Variants in TENM2 observed in about 807,000 individuals in gnomAD.
The protein encoded by TENM2 is teneurin-2.
Under a neutral mutation model 245.2 loss-of-function variants are expected in TENM2, and 52 were observed. The observed-to-expected ratio is 0.21, with a 90% CI of 0.17 to 0.27. The LOEUF (loss-of-function observed/expected upper bound fraction) is 0.27. Ranked by LOEUF, TENM2 falls within the 10% of genes least tolerant of loss-of-function variation. The pLI is 1.00. For synonymous variants in TENM2, 1,363 were observed against 1,438.9 expected, an observed-to-expected ratio of 0.95 and a Z score of 1.19; for missense variants, 3,046 against 3,666.8, an observed-to-expected ratio of 0.83 and a Z score of 4.37.
chr5:167,875,222 A>G (rs1773318312), intron 2 of TENM2, among the ~76,000 whole-genome samples: 2 of 152,182 alleles, frequency 1.3e-5, no homozygotes, highest in Non-Finnish European at 2.9e-5. Context: ...GGGTTGATTG[A>G]AGAGAAGAAG....
chr5:167,094,765 C>A, the TENM2 span, among the ~76,000 whole-genome samples: 1 of 152,152 alleles, frequency 6.6e-6, no homozygotes, highest in South Asian at 2.1e-4. Context: ...AAAGTCTTTG[C>A]AACTCTCAGA....
At chr5:167,188,940 AC>A in the TENM2 span, among the ~76,000 whole-genome samples, 1 of 152,140 alleles carries the variant, frequency 6.6e-6, no homozygotes, top group Non-Finnish European at 1.5e-5. Context: ...TGTGGATTAA[AC>A]TGTGAATGAC....
Position 167,387,914 on chromosome 5 carries a change from G to A in TENM2, c.502+12441G>A, listed in dbSNP as rs528730417. Among the ~76,000 whole-genome samples, 25 of 152,232 alleles carry A rather than the reference G, an allele frequency of 1.6e-4. No individual in the cohort carries two copies. The South Asian group carries it at 4.8e-3, about 29-fold the overall frequency. ...TCTTTTTTATATGGTGTTGGATTCA[G>A]TTAGCTAGTATTTTGTTAAGGACTT... On this transcript the variant is annotated intron_variant, in intron 2 of 28. Transcript: ENST00000518659.
the TENM2 span, among the ~76,000 whole-genome samples, chr5:167,029,146 TG>T: frequency 6.6e-6 from 1 of 152,216 alleles, no homozygotes; most frequent in African/African-American, 2.4e-5. Flanking sequence ...TTTAATTGTA[TG>T]GCTTATATAT....
chr5:167,064,222 A>G, the TENM2 span, among the ~76,000 whole-genome samples: 6 of 152,304 alleles, frequency 3.9e-5, no homozygotes, highest in East Asian at 1.2e-3. Context: ...CGCTGCACCA[A>G]TTTCTTGAGT....
At chr5:168,186,181 G>T (rs1581573188) in intron 13 of TENM2, 1 of 151,918 alleles carries the variant, frequency 6.6e-6, no homozygotes, top group Admixed American at 6.6e-5. Context: ...GATTCCAGAG[G>T]CCAGGCTGTC....
chr5:167,898,180 C>G (rs1775379140), intron 3 of TENM2, among the ~76,000 whole-genome samples: 1 of 152,120 alleles, frequency 6.6e-6, no homozygotes, highest in African/African-American at 2.4e-5. Flanking sequence ...TAATTTACTG[C>G]TATGGTTCTC....
chr5:167,008,239 C>T, the TENM2 span, among the ~76,000 whole-genome samples: 1 of 151,206 alleles, frequency 6.6e-6, no homozygotes, highest in Non-Finnish European at 1.5e-5. Flanking sequence ...TGTATATATC[C>T]TTGCATATGA....
At chr5:167,109,720 A>C in the TENM2 span, among the ~76,000 whole-genome samples, 1 of 151,712 alleles carries the variant, frequency 6.6e-6, no homozygotes, top group South Asian at 2.1e-4. Flanking sequence ...TCTCACGTTC[A>C]TCCTAATAAA....
the TENM2 span, among the ~76,000 whole-genome samples, chr5:167,142,008 A>T: frequency 6.6e-6 from 1 of 152,076 alleles, no homozygotes; most frequent in South Asian, 2.1e-4. Flanking sequence ...TATCTTCATG[A>T]AGTGGCAAAC....
chr5:168,254,424 G>A (rs1767446101), intron 27 of TENM2, among the ~76,000 whole-genome samples: 1 of 150,930 alleles, frequency 6.6e-6, no homozygotes, highest in Admixed American at 6.6e-5. Flanking sequence ...TTAAAGAAGA[G>A]GAAAGAGGGA....
rs539452496 is a variant in TENM2 at position 167,906,832 on chromosome 5, T to TA, written c.712+30644dup. On this transcript the variant is annotated intron_variant, in intron 3 of 28. Transcript: ENST00000518659. ...GATTAAAAAAGAGAGTCAGGAAAGC[T>TA]AAAAAAAGAGGAGGGAGTGGGGAGG... Among the ~76,000 whole-genome samples the TA allele has an allele frequency of 4.5e-4, 68 of 152,086 alleles. 1 individual carries two copies. The highest frequency in any genetic ancestry group is 1.4e-3 in the African/African-American group (57 of 41,476).
intron 7 of TENM2, among the ~76,000 whole-genome samples, chr5:168,084,037 T>C (rs569169019): frequency 6.6e-6 from 1 of 152,362 alleles, no homozygotes; most frequent in Admixed American, 6.5e-5. Context: ...TCTGTTCCTA[T>C]ATTTATTTCC....
chr5:167,543,840 T>C (rs777785744), intron 2 of TENM2, among the ~76,000 whole-genome samples: 1 of 152,180 alleles, frequency 6.6e-6, no homozygotes, highest in Non-Finnish European at 1.5e-5. Flanking sequence ...GAGTTCCCCT[T>C]GTGTATCTCT....
chr5:167,629,340 T>C (rs1426384912), intron 2 of TENM2, among the ~76,000 whole-genome samples: 2 of 152,112 alleles, frequency 1.3e-5, no homozygotes, highest in Non-Finnish European at 2.9e-5. Context: ...CTTCCTAGGG[T>C]TTTTCTGAAG....
the TENM2 span, among the ~76,000 whole-genome samples, chr5:167,188,333 A>G: frequency 1.3e-5 from 2 of 152,164 alleles, no homozygotes; most frequent in African/African-American, 2.4e-5. Flanking sequence ...AAAGGGCTGC[A>G]TGACTTTTCC....
chr5:167,350,351 A>G (rs1758748566), intron 1 of TENM2, among the ~76,000 whole-genome samples: 1 of 151,474 alleles, frequency 6.6e-6, no homozygotes, highest in Non-Finnish European at 1.5e-5. Flanking sequence ...ACAATTCAAT[A>G]CTTTCTGCAT....
intron 2 of TENM2, among the ~76,000 whole-genome samples, chr5:167,539,086 T>A (rs892718958): frequency 6.6e-6 from 1 of 152,162 alleles, no homozygotes. Flanking sequence ...ATGCTGCAAT[T>A]AGATATAATT....
rs868802104 is a variant in TENM2, at chr5:167,640,637, T to A, written c.503-235349T>A. Among the ~76,000 whole-genome samples the A allele has an allele frequency of 5.6e-5, 8 of 142,898 alleles. No individual in the cohort carries two copies. The South Asian group carries it at 1.7e-3, about 30-fold the overall frequency. 93.7% of individuals were successfully genotyped at this position (142,898 alleles called of 152,430 possible). A position where few individuals can be genotyped will look rare whatever the true frequency, so the allele number is the denominator to read the frequency against. ...TCCATCTCAAAAAAAAAAAAAAAAA[T>A]TATTTGGTAAACTGGAAATATATAC... On this transcript the variant is annotated intron_variant, in intron 2 of 28. Transcript: ENST00000518659.
Sources: gnomAD v4.1 joint callset for allele counts (sites outside exome capture counted in the v4.1 genomes callset) on GRCh38, gnomAD v4.1.1 for gene constraint, MANE v1.5 for transcripts, NCBI Gene and HGNC (gene_info 2026-07-23, HGNC 2026-07-21) for gene names.